DAP3: variants seen among roughly 807,000 people sequenced by gnomAD.
The protein encoded by DAP3 is small ribosomal subunit protein mS29.
In DAP3, 28 loss-of-function variants were observed where a neutral mutation model predicts 51.9. That is an observed-to-expected ratio of 0.54 (90% confidence interval 0.40 to 0.74). The LOEUF is 0.74. DAP3 is among the 30% of genes least tolerant of loss of function. The pLI, the probability that DAP3 is intolerant of heterozygous loss-of-function variation, is 0.00. For missense variants in DAP3, 458 were observed against 483.5 expected (o/e 0.95, Z 0.49); for synonymous variants, 170 against 170.3 (o/e 1.00, Z 0.01).
upstream of DAP3, chr1:155,688,915 C>T: frequency 1.2e-6 from 2 of 1,613,186 alleles, no homozygotes; most frequent in Non-Finnish European, 1.7e-6. Flanking sequence ...CCGGCCGAGT[C>T]CCATGACAAC....
intron 1 of DAP3, among the ~76,000 whole-genome samples, chr1:155,707,569 T>C (rs1656161512): frequency 6.6e-6 from 1 of 152,134 alleles, no homozygotes; most frequent in Admixed American, 6.6e-5. Context: ...ATATTTCCTG[T>C]ATACAAAAAA....
intron 9 of DAP3, among the ~76,000 whole-genome samples, chr1:155,730,103 CATAT>C (rs548419044): frequency 8.8e-5 from 12 of 136,468 alleles, no homozygotes; most frequent in Non-Finnish European, 1.6e-4. Context: ...TATATACACA[CATAT>C]ATTCATATAT....
chr1:155,731,865 A>G, intron 10 of DAP3, 79 bp from the exon 11 acceptor site: 1 of 1,442,772 alleles, frequency 6.9e-7, no homozygotes, highest in South Asian at 1.3e-5. Flanking sequence ...AAGAAAGAAA[A>G]AAAAAATCTA....
At chr1:155,700,992 G>A (rs1489071507) in intron 1 of DAP3, among the ~76,000 whole-genome samples, 2 of 116,854 alleles carry the variant, frequency 1.7e-5, no homozygotes, top group Non-Finnish European at 3.4e-5. Context: ...CGCCCCGTCC[G>A]GGAGGGAGGT....
Position 155,731,352 on chromosome 1 carries a change from G to A in DAP3, c.844-4G>A, listed in dbSNP as rs2274787. On this transcript the variant is annotated splice_region_variant and splice_polypyrimidine_tract_variant and intron_variant, in intron 9 of 12. Transcript: ENST00000368336. Reference sequence around the variant, plus strand: ...TCTCTTCTCTCTTTCTGTCCGATATGCAGATTGCCCCCGAGGAATTAGCAC... The same window carrying A: ...TCTCTTCTCTCTTTCTGTCCGATATACAGATTGCCCCCGAGGAATTAGCAC... 1.5e-3 allele frequency: 2,464 copies of A among 1,613,750 alleles called. 39 individuals carry two copies. The East Asian group carries it at 0.037, about 24-fold the overall frequency.
At position 155,732,655 on chromosome 1, in the gene DAP3, G is replaced by A. The variant is rs189967483; in HGVS notation, c.993+622G>A. Among the ~76,000 whole-genome samples, 256 of 152,248 alleles carry A rather than the reference G, an allele frequency of 1.7e-3. 2 individuals are homozygous for A. Among genetic ancestry groups the A allele is most frequent in the Non-Finnish European group, 2.8e-3 (192 of 68,020 alleles). On this transcript the variant is annotated intron_variant, in intron 11 of 12. Transcript: ENST00000368336. The stretch of plus-strand genomic sequence containing the variant: ...TATCATACTTTTACCTAATTGGTGG[G>A]ATTTATTCTGATGTAGCCAGTTATC...
intron 1 of DAP3, among the ~76,000 whole-genome samples, chr1:155,707,765 T>G (rs1656184112): frequency 6.6e-6 from 1 of 152,198 alleles, no homozygotes. Context: ...GTTTTCCTAT[T>G]TATATCCCCC....
intron 7 of DAP3, among the ~76,000 whole-genome samples, chr1:155,728,634 C>T (rs7414254): frequency 0.063 from 9,612 of 151,958 alleles, 421 homozygotes; most frequent in Non-Finnish European, 0.093. Context: ...CCGAGGTGGG[C>T]AGATCACCTG....
Position 155,738,683 on chromosome 1 carries a change from C to G in DAP3, c.*441C>G, listed in dbSNP as rs1187543776. 6.5e-6 allele frequency: 1 copy of G among 154,488 alleles called. No homozygotes were observed. The highest frequency in any genetic ancestry group is 2.4e-5 in the African/African-American group (1 of 41,478). The allele number at this position is 154,488 out of a possible 1,614,324, so 9.6% of individuals were successfully genotyped here. A position where few individuals can be genotyped will look rare whatever the true frequency, so the allele number is the denominator to read the frequency against. On this transcript the variant is annotated 3_prime_UTR_variant, in exon 13 of 13. Transcript: ENST00000368336. ...TTATGGAATTCAGCATGTCAAAATT[C>G]ACAGCTGGCTGGGCACAGTGGCTCA...
chr1:155,713,617 C>A (rs934708874), intron 2 of DAP3, among the ~76,000 whole-genome samples: 3 of 152,196 alleles, frequency 2.0e-5, no homozygotes, highest in Non-Finnish European at 4.4e-5. Context: ...GACCCCTTTT[C>A]TTCCGAGCGT....
At chr1:155,715,366 A>T (rs1459592943) in intron 2 of DAP3, among the ~76,000 whole-genome samples, 4 of 151,938 alleles carry the variant, frequency 2.6e-5, no homozygotes, top group Non-Finnish European at 5.9e-5. Flanking sequence ...ACAAAAAATT[A>T]AAAAAATTAG....
chr1:155,710,015 A>C (rs1656499616), intron 2 of DAP3, 191 bp downstream of exon 2: 3 of 480,912 alleles, frequency 6.2e-6, no homozygotes, highest in African/African-American at 1.9e-5. Context: ...AGAAAACATA[A>C]GTAAGTTTGA....
At chr1:155,732,238 T>A in intron 11 of DAP3, 1 of 365,992 alleles carries the variant, frequency 2.7e-6, no homozygotes, top group Non-Finnish European at 4.7e-6. Context: ...CTTTTCTTTT[T>A]TTTTTTTTTG....
At chr1:155,725,597 T>C in intron 5 of DAP3, 107 bp downstream of exon 5, 2 of 1,064,546 alleles carry the variant, frequency 1.9e-6, no homozygotes, top group South Asian at 2.8e-5. Context: ...GCATGGTAGC[T>C]CACACCTATA....
upstream of DAP3, chr1:155,688,348 C>T: frequency 1.3e-6 from 2 of 1,548,670 alleles, no homozygotes; most frequent in Non-Finnish European, 1.7e-6. Context: ...AGCAGAGTGG[C>T]CGCGGCAGCT....
At chr1:155,726,143 C>G (rs1384694116) in intron 6 of DAP3, 124 bp downstream of exon 6, 7 of 788,204 alleles carry the variant, frequency 8.9e-6, no homozygotes, top group Non-Finnish European at 1.3e-5. Flanking sequence ...GATGGAGTTT[C>G]GCTCTTGTCG....
chr1:155,688,857 C>A, upstream of DAP3: 1 of 1,600,450 alleles, frequency 6.2e-7, no homozygotes, highest in Non-Finnish European at 8.5e-7. Context: ...GAGGAAGGGA[C>A]CGGCAAAGCG....
intron 5 of DAP3, 25 bp from the exon 6 acceptor site, chr1:155,725,902 T>C: frequency 1.9e-6 from 3 of 1,604,672 alleles, no homozygotes; most frequent in East Asian, 2.2e-5. Flanking sequence ...TCCAGTCATG[T>C]TTTCTTTAAC....
intron 2 of DAP3, among the ~76,000 whole-genome samples, chr1:155,715,218 A>C (rs937884917): frequency 3.5e-5 from 5 of 144,872 alleles, no homozygotes; most frequent in Admixed American, 6.8e-5. Context: ...AAAAAAAAAA[A>C]CCCACAAAAA....
Sources: allele counts gnomAD v4.1 joint callset (sites outside exome capture counted in the v4.1 genomes callset), GRCh38; gene constraint gnomAD v4.1.1; transcripts MANE v1.5; gene names NCBI Gene and HGNC (gene_info 2026-07-23, HGNC 2026-07-21).